The following RHBG variants were observed in gnomAD, a reference collection of about 807,000 sequenced individuals.
The protein encoded by RHBG is Rh family B glycoprotein.
RHBG carries 39 observed loss-of-function variants against 40.1 expected under a neutral mutation model. The observed-to-expected ratio is 0.97, with a 90% CI of 0.75 to 1.27. RHBG has a LOEUF of 1.27. Among genes scored for constraint, RHBG ranks in the 50% most tolerant of loss-of-function variants. The pLI is 0.00. For missense variants in RHBG, 549 were observed against 588.1 expected (o/e 0.93, Z 0.69); for synonymous variants, 237 against 252.5 (o/e 0.94, Z 0.58).
intron 1 of RHBG, among the ~76,000 whole-genome samples, chr1:156,372,908 C>G (rs996224249): frequency 3.9e-5 from 6 of 152,296 alleles, no homozygotes; most frequent in Admixed American, 2.6e-4. Flanking sequence ...TCTCCTGCCT[C>G]AGCCTCCCAA....
At chr1:156,373,173 G>A (rs2101758079) in intron 1 of RHBG, among the ~76,000 whole-genome samples, 1 of 152,234 alleles carries the variant, frequency 6.6e-6, no homozygotes, top group Non-Finnish European at 1.5e-5. Context: ...TGTTATCCCA[G>A]CACTTTGGGA....
At chr1:156,369,696 C>T (rs4661159) in intron 1 of RHBG, among the ~76,000 whole-genome samples, 1 of 152,110 alleles carries the variant, frequency 6.6e-6, no homozygotes, top group Non-Finnish European at 1.5e-5. Context: ...GGTTAAGTGG[C>T]TGATTCAGGG....
chr1:156,384,143 A>C (rs1295577566), intron 8 of RHBG, among the ~76,000 whole-genome samples: 2 of 152,166 alleles, frequency 1.3e-5, no homozygotes, highest in Non-Finnish European at 2.9e-5. Context: ...CACAATAAGC[A>C]TTTCCTGTGC....
At chr1:156,380,409 CT>C (rs1667540083) in intron 4 of RHBG, among the ~76,000 whole-genome samples, 1 of 151,926 alleles carries the variant, frequency 6.6e-6, no homozygotes, top group Non-Finnish European at 1.5e-5. Flanking sequence ...CCTTCTTTAC[CT>C]TTTTTGATAC....
In RHBG at chr1:156,382,334, T is replaced by C. The variant is rs903323041; in HGVS notation, c.1112+133T>C. The stretch of plus-strand genomic sequence containing the variant: ...TCCATATTCTGGGAGCAAAGGAAAT[T>C]GGAGTTAACAAAACCAACCCAGAAA... On this transcript the variant is annotated intron_variant, in intron 7 of 9. Coordinates refer to ENST00000537040, the MANE Select transcript of RHBG (RefSeq NM_020407.5). 9 of 1,468,412 alleles carry C rather than the reference T, an allele frequency of 6.1e-6. 1 individual carries two copies. Among genetic ancestry groups the C allele is most frequent in the South Asian group, 5.9e-5 (5 of 84,508 alleles). 91.0% of individuals were successfully genotyped at this position (1,468,412 alleles called of 1,614,324 possible).
chr1:156,382,161 C>G lies in RHBG; in HGVS notation c.1072C>G (p.Leu358Val), dbSNP rs778129531. Reference protein sequence around the residue: ...PGVLGALLGVLVAGLATHEAY... With the variant: ...PGVLGALLGVVVAGLATHEAY... ...GGTCCTGGGGGCCCTCCTGGGGGTC[C>G]TTGTGGCTGGACTTGCCACCCATGA... Residue 358 changes from leucine (L) to valine (V), a missense_variant, in exon 7 of 10, where the codon CTT (leucine) becomes GTT (valine). Physicochemically the swap from Leu to Val is conservative, Grantham distance 32. Coordinates refer to ENST00000537040, the MANE Select transcript of RHBG (RefSeq NM_020407.5). The G allele has an allele frequency of 2.5e-6, 4 of 1,614,140 alleles. No homozygotes were observed. Among genetic ancestry groups the G allele is most frequent in the Non-Finnish European group, 3.4e-6 (4 of 1,180,030 alleles).
Position 156,378,014 on chromosome 1 carries a change from G to T in RHBG, c.399G>T (p.Ala133=). ...GCATGATCAATGCTGACTTTTGTGC[G>T]GGGGCCGTGCTCATCTCCTTTGGTG... ...VESMINADFC[A]GAVLISFGAV... Residue 133 remains alanine, a synonymous_variant, in exon 3 of 10, where the codon GCG becomes GCT. Transcript: ENST00000537040. 2 of 1,554,548 alleles carry T rather than the reference G, an allele frequency of 1.3e-6. No homozygotes were observed. The highest frequency in any genetic ancestry group is 1.7e-6 in the Non-Finnish European group (2 of 1,147,516).
chr1:156,383,170 G>T (rs1362924223), intron 8 of RHBG, among the ~76,000 whole-genome samples: 1 of 152,206 alleles, frequency 6.6e-6, no homozygotes, highest in Non-Finnish European at 1.5e-5. Flanking sequence ...TCAGGCTGAG[G>T]CCTAGAAGGG....
At chr1:156,384,179 A>G (rs6668419) in intron 8 of RHBG, among the ~76,000 whole-genome samples, 44,577 of 152,098 alleles carry the variant, frequency 0.29, 7,298 homozygotes, top group East Asian at 0.54. Flanking sequence ...GGCCATAGAA[A>G]GCTCAGCAGC....
chr1:156,369,386 A>C lies in RHBG; in HGVS notation c.137A>C (p.His46Pro), dbSNP rs756332162. 1 of 1,614,118 alleles carries C rather than the reference A, an allele frequency of 6.2e-7. No individual in the cohort carries two copies. Among genetic ancestry groups the C allele is most frequent in the Admixed American group, 1.7e-5 (1 of 60,018 alleles). The stretch of plus-strand genomic sequence containing the variant: ...CACAAAACCGACGCTGCCCTCTGGC[A>C]CCGGAGCAACCACAGTAACGCGGAC... Reference protein sequence around the residue: ...YNHKTDAALWHRSNHSNADNE... With the variant: ...YNHKTDAALWPRSNHSNADNE... The change falls in exon 1 of 10, where the codon CAC (histidine) becomes CCC (proline). Residue 46 changes from histidine to proline, a missense_variant. This residue lies in a region of RHBG where 99 missense variants were observed against 85.2 expected (regional missense o/e 1.16). Transcript: ENST00000537040.
chr1:156,382,874 G>A lies in RHBG; in HGVS notation c.1234+5G>A, dbSNP rs1667763693. On this transcript the variant is annotated splice_donor_5th_base_variant and intron_variant, in intron 8 of 9. Coordinates refer to ENST00000537040, the MANE Select transcript of RHBG (RefSeq NM_020407.5). ...CTGTGGGCGGGGGCCTTGGAGGTGA[G>A]TAACCTTGGATTTTCTAGAGGAAGG... 9 of 1,614,236 alleles carry A rather than the reference G, an allele frequency of 5.6e-6. No individual in the cohort carries two copies. The highest frequency in any genetic ancestry group is 6.8e-6 in the Non-Finnish European group (8 of 1,180,036).
At position 156,377,273 on chromosome 1, in the gene RHBG, G is replaced by A. The variant is rs1571000038; in HGVS notation, c.188-28G>A. The A allele has an allele frequency of 1.2e-6, 2 of 1,607,260 alleles. No homozygotes were observed. The highest frequency in any genetic ancestry group is 1.3e-5 in the African/African-American group (1 of 74,986). ...GGGCTATGGCTAGAGCAGCCCCCAA[G>A]TGCCCCGCCTGTCCCTGCCCGCTGC... On this transcript the variant is annotated intron_variant, in intron 1 of 9. Coordinates refer to ENST00000537040, the MANE Select transcript of RHBG (RefSeq NM_020407.5). This position sits in a 1 kb window ranked among gnomAD's most constrained non-coding sequence, Gnocchi z 4.6.
In RHBG at chr1:156,369,412, A is replaced by C; in HGVS notation, c.163A>C (p.Asn55His). The change falls in exon 1 of 10, where the codon AAT (asparagine) becomes CAT (histidine). Residue 55 changes from asparagine (N) to histidine (H), a missense_variant. Transcript: ENST00000537040. ...CCGGAGCAACCACAGTAACGCGGAC[A>C]ATGAATTTTACTTTCGCTACCCAAG... ...WHRSNHSNAD[N>H]EFYFRYPSFQ... 1 of 1,613,296 alleles carries C rather than the reference A, an allele frequency of 6.2e-7. No individual in the cohort carries two copies. The highest frequency in any genetic ancestry group is 2.2e-5 in the East Asian group (1 of 44,822).
Position 156,377,431 on chromosome 1 carries a change from G to C in RHBG, c.318G>C (p.Leu106=). The change falls in exon 2 of 10, where the codon CTG becomes CTC. Residue 106 remains leucine, a synonymous_variant. Transcript: ENST00000537040. This position sits in a 1 kb window ranked among gnomAD's most constrained non-coding sequence, Gnocchi z 4.6. Reference sequence around the variant, plus strand: ...CCTTTGCCCTGCAGTGGTCCACACTGGTCCAGGGCTTTCTCCACTCCTTCC... The same window carrying C: ...CCTTTGCCCTGCAGTGGTCCACACTCGTCCAGGGCTTTCTCCACTCCTTCC... ...LAAFALQWST[L]VQGFLHSFHG... 1 of 1,614,064 alleles carries C rather than the reference G, an allele frequency of 6.2e-7. No homozygotes were observed. The highest frequency in any genetic ancestry group is 8.5e-7 in the Non-Finnish European group (1 of 1,179,930).
intron 4 of RHBG, among the ~76,000 whole-genome samples, chr1:156,378,727 C>T (rs1412412427): frequency 1.3e-5 from 2 of 152,172 alleles, no homozygotes; most frequent in African/African-American, 2.4e-5. Context: ...CCTCCCTCCT[C>T]GCTGGCTCAG....
rs1400171366 is a variant in RHBG, at chr1:156,382,742, C to T, written c.1113-6C>T. 2.5e-6 allele frequency: 4 copies of T among 1,613,962 alleles called. No individual in the cohort carries two copies. In the African/African-American group the frequency reaches 4.0e-5, roughly 16 times the overall value. On this transcript the variant is annotated splice_polypyrimidine_tract_variant and splice_region_variant and intron_variant, in intron 7 of 9. Coordinates refer to ENST00000537040, the MANE Select transcript of RHBG (RefSeq NM_020407.5). ...CCTGCCTTTCCTCTATCTGGTCTCC[C>T]TGCAGCCTGGAGAGTGTGTTTCCAC...
intron 1 of RHBG, among the ~76,000 whole-genome samples, chr1:156,375,673 T>C (rs1357954660): frequency 6.6e-6 from 1 of 151,782 alleles, no homozygotes; most frequent in Middle Eastern, 3.2e-3. Context: ...ATTCAATAAT[T>C]ATTTTCTGAC....
At chr1:156,380,112 CTTT>C (rs67037881) in intron 4 of RHBG, among the ~76,000 whole-genome samples, 3 of 130,120 alleles carry the variant, frequency 2.3e-5, no homozygotes, top group Non-Finnish European at 3.2e-5. Flanking sequence ...CTTTCTTTTT[CTTT>C]TTTTTTTTTT....
rs749355075 is a variant in RHBG at position 156,384,542 on chromosome 1, T to A, written c.1250T>A (p.Leu417Gln). The change falls in exon 9 of 10, where the codon CTA becomes CAA. Residue 417 changes from leucine to glutamine, a missense_variant. By Grantham distance (113) the Leu-to-Gln change is moderately radical (BLOSUM62 -2). This residue lies in a region of RHBG where 399 missense variants were observed against 417.0 expected (regional missense o/e 0.96). Coordinates refer to ENST00000537040, the MANE Select transcript of RHBG (RefSeq NM_020407.5). ...CCACCACCAGGGCTCCTGCTGAAGC[T>A]ACCCTTTCTGGACTCCCCCCCAGAC... is the stretch of plus-strand genomic sequence containing the variant. The part of the protein sequence containing the change: ...GGGLGGLLLK[L>Q]PFLDSPPDSQ... 8 of 1,574,858 alleles carry A rather than the reference T, an allele frequency of 5.1e-6. No individual in the cohort carries two copies. In the South Asian group the frequency reaches 9.0e-5, roughly 18 times the overall value.
Sources: gnomAD v4.1 joint callset for allele counts (sites outside exome capture counted in the v4.1 genomes callset) on GRCh38, gnomAD v4.1.1 for gene constraint, gnomAD v4.1.1 regional missense constraint, Gnocchi (gnomAD v3.1) non-coding constraint, MANE v1.5 for transcripts, NCBI Gene and HGNC (gene_info 2026-07-23, HGNC 2026-07-21) for gene names.